Variants in ZDHHC20 observed in about 807,000 individuals in gnomAD.
The protein encoded by ZDHHC20 is zDHHC palmitoyltransferase 20, also known as palmitoyltransferase ZDHHC20.
A neutral mutation model predicts 57.8 loss-of-function variants in ZDHHC20; 43 were observed. The ratio of observed to expected loss-of-function variants is 0.74; its 90% CI spans 0.58 to 0.96. ZDHHC20 has a LOEUF of 0.96. Ranked by LOEUF, ZDHHC20 falls within the 40% of genes least tolerant of loss-of-function variation. The probability of loss-of-function intolerance (pLI) is 0.00; values close to 1 mark genes in which losing one functional copy is unlikely to be tolerated. For synonymous variants in ZDHHC20, 157 were observed against 153.0 expected, an observed-to-expected ratio of 1.03 and a Z score of -0.19; for missense variants, 391 against 441.1, an observed-to-expected ratio of 0.89 and a Z score of 1.02.
At chr13:21,414,324 A>G (rs1023162987) in intron 3 of ZDHHC20, among the ~76,000 whole-genome samples, 1 of 150,930 alleles carries the variant, frequency 6.6e-6, no homozygotes, top group Non-Finnish European at 1.5e-5. Context: ...AGGCAAGCAT[A>G]GTTGCCTTTT....
At chr13:21,423,998 T>C (rs1367649202) in intron 2 of ZDHHC20, among the ~76,000 whole-genome samples, 5 of 152,108 alleles carry the variant, frequency 3.3e-5, no homozygotes, top group Non-Finnish European at 7.4e-5. Context: ...AAACATTTAA[T>C]ATAATTTTAG....
intron 1 of ZDHHC20, among the ~76,000 whole-genome samples, chr13:21,452,341 T>C (rs577001037): frequency 9.8e-5 from 15 of 152,342 alleles, no homozygotes; most frequent in African/African-American, 3.4e-4. Context: ...TTAGTGAATT[T>C]TATGACATGC....
intron 4 of ZDHHC20, among the ~76,000 whole-genome samples, chr13:21,406,872 T>C (rs943920116): frequency 6.6e-6 from 1 of 152,210 alleles, no homozygotes; most frequent in African/African-American, 2.4e-5. Context: ...TACAGAATGA[T>C]TTATAATCCT....
chr13:21,387,647 C>G lies in ZDHHC20; in HGVS notation c.728-13G>C. ...GCGCGGAATGATTCTGTTAAATATA[C>G]ATACATATATAAACTAATTAATCTA... On this transcript the variant is annotated splice_polypyrimidine_tract_variant and intron_variant, in intron 8 of 12. Transcript: ENST00000400590. The G allele has an allele frequency of 7.1e-7, 1 of 1,411,398 alleles. No homozygotes were observed. The highest frequency in any genetic ancestry group is 1.7e-5 in the South Asian group (1 of 57,638). 87.4% of individuals were successfully genotyped at this position (1,411,398 alleles called of 1,614,324 possible).
At chr13:21,435,947 A>G (rs4769165) in intron 1 of ZDHHC20, among the ~76,000 whole-genome samples, 92,961 of 152,034 alleles carry the variant, frequency 0.61, 29,106 homozygotes, top group Non-Finnish European at 0.68. Context: ...TCACTGCAAT[A>G]TAGTCCTGGC....
chr13:21,444,453 G>T (rs540751772), intron 1 of ZDHHC20, among the ~76,000 whole-genome samples: 1 of 152,196 alleles, frequency 6.6e-6, no homozygotes, highest in African/African-American at 2.4e-5. Context: ...TCTTCATTCA[G>T]ATTATGTCTC....
At chr13:21,384,059 CTGCCAGGACCCTG>C (rs1566063927) in intron 9 of ZDHHC20, among the ~76,000 whole-genome samples, 2 of 151,760 alleles carry the variant, frequency 1.3e-5, no homozygotes, top group Admixed American at 6.6e-5. Flanking sequence ...TTACAGCTTT[CTGCCAGGACCCTG>C]GCACTATGGG....
In ZDHHC20 at chr13:21,391,779, C is replaced by A; in HGVS notation, c.670G>T (p.Val224Phe). 1.2e-6 allele frequency: 2 copies of A among 1,612,906 alleles called. No individual in the cohort carries two copies. Among genetic ancestry groups the A allele is most frequent in the Non-Finnish European group, 1.7e-6 (2 of 1,179,676 alleles). Residue 224 changes from valine (V) to phenylalanine (F), a missense_variant, in exon 8 of 13, where the codon GTC (valine) becomes TTC (phenylalanine). Val to Phe is a conservative substitution (Grantham distance 50, BLOSUM62 -1). Coordinates refer to ENST00000400590, the MANE Select transcript of ZDHHC20 (RefSeq NM_001330059.2). ...FFVSAMFFIS[V>F]LSLFSYHCWL... is the part of the protein sequence containing the mutation. ...CAGTGGTAGCTGAAAAGTGAGAGGA[C>A]GCTGATGAAGAACATTGCAGACACA...
intron 5 of ZDHHC20, among the ~76,000 whole-genome samples, chr13:21,402,492 G>A (rs767347716): frequency 2.3e-4 from 35 of 152,052 alleles, no homozygotes; most frequent in Admixed American, 4.6e-4. Context: ...CCAAACTAAC[G>A]ATCTTTCCTT....
At chr13:21,383,404 T>C (rs1039032969) in intron 9 of ZDHHC20, among the ~76,000 whole-genome samples, 2 of 152,218 alleles carry the variant, frequency 1.3e-5, no homozygotes, top group Non-Finnish European at 2.9e-5. Context: ...TCTCCTTGCC[T>C]TCCACTATGA....
At chr13:21,400,268 T>C (rs1877429956) in intron 7 of ZDHHC20, 105 bp downstream of exon 7, 6 of 1,129,636 alleles carry the variant, frequency 5.3e-6, no homozygotes, top group African/African-American at 1.6e-5. Flanking sequence ...CTCTAACTTG[T>C]AAAATTAAAG....
At chr13:21,420,891 G>A (rs917693311) in intron 3 of ZDHHC20, among the ~76,000 whole-genome samples, 170 bp downstream of exon 3, 1 of 152,174 alleles carries the variant, frequency 6.6e-6, no homozygotes, top group Non-Finnish European at 1.5e-5. Flanking sequence ...TCAGTGGACT[G>A]TATCTGAGAA....
chr13:21,378,720 G>C lies in ZDHHC20; in HGVS notation c.1079C>G (p.Thr360Arg). 1 of 1,430,572 alleles carries C rather than the reference G, an allele frequency of 7.0e-7. No homozygotes were observed. The highest frequency in any genetic ancestry group is 9.3e-7 in the Non-Finnish European group (1 of 1,080,088). The allele number at this position is 1,430,572 out of a possible 1,614,324, so 88.6% of individuals were successfully genotyped here. Residue 360 changes from threonine (T) to arginine (R), a missense_variant, in exon 12 of 13, where the codon ACA becomes AGA. By Grantham distance (71) the Thr-to-Arg change is moderately conservative. Transcript: ENST00000400590. ...TGGTACTCAATTTTCTATTGCCACT[G>C]TTACATGGTTATTTGTCCCTGTAAG... ...IVKSGTNNHV[T>R]VAIEN
At chr13:21,423,673 CA>C (rs970763214) in intron 2 of ZDHHC20, among the ~76,000 whole-genome samples, 31 of 134,892 alleles carry the variant, frequency 2.3e-4, no homozygotes, top group Admixed American at 5.3e-4. Context: ...GACTCCATCT[CA>C]AAAAAAAAAG....
chr13:21,449,468 T>C (rs374687891), intron 1 of ZDHHC20, among the ~76,000 whole-genome samples: 224 of 152,140 alleles, frequency 1.5e-3, no homozygotes, highest in Middle Eastern at 3.4e-3. Context: ...ACTCCTTACA[T>C]GATGACGGGA....
intron 4 of ZDHHC20, among the ~76,000 whole-genome samples, chr13:21,412,077 C>G (rs1879290987): frequency 6.6e-6 from 1 of 152,162 alleles, no homozygotes; most frequent in Non-Finnish European, 1.5e-5. Flanking sequence ...ATTGGATGCT[C>G]TGGGCAGAGG....
rs1877084224 is a variant in ZDHHC20, at chr13:21,398,171, C to T, written c.594+2202G>A. Among the ~76,000 whole-genome samples, 4 of 151,984 alleles carry T rather than the reference C, an allele frequency of 2.6e-5. No homozygotes were observed. In the South Asian group the frequency reaches 8.3e-4, roughly 31 times the overall value. On this transcript the variant is annotated intron_variant, in intron 7 of 12. Coordinates refer to ENST00000400590, the MANE Select transcript of ZDHHC20 (RefSeq NM_001330059.2). ...TGTTCAGTACTGGGCGACTAAGAAA[C>T]ATAAACAAACAGGTTGGGCGCGGTG...
At chr13:21,437,418 A>G (rs986040672) in intron 1 of ZDHHC20, among the ~76,000 whole-genome samples, 5 of 152,204 alleles carry the variant, frequency 3.3e-5, no homozygotes, top group Admixed American at 6.5e-5. Context: ...TAAATAACAG[A>G]TGCTCGCTGC....
chr13:21,416,900 AAACG>A (rs555768712), intron 3 of ZDHHC20, among the ~76,000 whole-genome samples: 23 of 152,370 alleles, frequency 1.5e-4, no homozygotes, highest in African/African-American at 4.6e-4. Context: ...TGTACCATGC[AAACG>A]AACATGACCT....
Sources: gnomAD v4.1 joint callset for allele counts (sites outside exome capture counted in the v4.1 genomes callset) on GRCh38, gnomAD v4.1.1 for gene constraint, MANE v1.5 for transcripts, NCBI Gene and HGNC (gene_info 2026-07-23, HGNC 2026-07-21) for gene names.